Variants in PDE11A observed in about 807,000 individuals in gnomAD.
PDE11A encodes the protein phosphodiesterase 11A, also known as dual 3',5'-cyclic-AMP and -GMP phosphodiesterase 11A.
Under a neutral mutation model 100.5 loss-of-function variants are expected in PDE11A, and 100 were observed. That is an observed-to-expected ratio of 1.00 (90% CI 0.85 to 1.18). The LOEUF (loss-of-function observed/expected upper bound fraction) is 1.18. Ranked by LOEUF, PDE11A falls within the 50% of genes most tolerant of loss-of-function variation. The pLI, the probability that PDE11A is intolerant of heterozygous loss-of-function variation, is 0.00. For missense variants in PDE11A, 1,141 were observed against 1,152.6 expected (o/e 0.99, Z 0.15); for synonymous variants, 381 against 420.8 (o/e 0.91, Z 1.16).
At chr2:178,040,932 C>T (rs1221943313) in intron 1 of PDE11A, among the ~76,000 whole-genome samples, 5 of 151,968 alleles carry the variant, frequency 3.3e-5, no homozygotes, top group African/African-American at 1.2e-4. Flanking sequence ...TTTTTATCTA[C>T]TTATTTATTT....
intron 9 of PDE11A, among the ~76,000 whole-genome samples, chr2:177,794,979 G>A (rs1227714399): frequency 1.3e-5 from 2 of 151,996 alleles, no homozygotes; most frequent in East Asian, 3.9e-4. Flanking sequence ...TAGAGATGAG[G>A]TTTCACTATG....
Position 177,713,987 on chromosome 2 carries a change from C to CTTTTTTT in PDE11A, c.2044-2116_2044-2110dup, listed in dbSNP as rs57211363. On this transcript the variant is annotated intron_variant, in intron 12 of 19. Transcript: ENST00000286063. ...TCCCACCATATTTCTTTTCTTTTTT[C>CTTTTTTT]TTTTTTTTTTTTTTTTTTTTTTTTG... Among the ~76,000 whole-genome samples, 263 of 77,406 alleles carry CTTTTTTT rather than the reference C, an allele frequency of 3.4e-3. 10 individuals carry two copies. The highest frequency in any genetic ancestry group is 5.7e-3 in the African/African-American group (107 of 18,842). 50.8% of individuals were successfully genotyped at this position (77,406 alleles called of 152,430 possible).
At chr2:178,065,766 A>G (rs1188464300) in intron 1 of PDE11A, among the ~76,000 whole-genome samples, 1 of 152,156 alleles carries the variant, frequency 6.6e-6, no homozygotes. Context: ...ACTCAATAAC[A>G]TGAGTGTAGA....
At chr2:177,661,905 G>A (rs1377214114) in intron 19 of PDE11A, among the ~76,000 whole-genome samples, 1 of 152,142 alleles carries the variant, frequency 6.6e-6, no homozygotes, top group Non-Finnish European at 1.5e-5. Context: ...CCAAAACAAA[G>A]GTCAGGGGTG....
intron 14 of PDE11A, among the ~76,000 whole-genome samples, chr2:177,700,598 T>C (rs1172763348): frequency 6.6e-6 from 1 of 152,174 alleles, no homozygotes; most frequent in African/African-American, 2.4e-5. Context: ...TGGCATTAGC[T>C]CTGGGTCTTA....
intron 12 of PDE11A, among the ~76,000 whole-genome samples, chr2:177,719,301 C>G (rs975503972): frequency 1.3e-5 from 2 of 152,120 alleles, no homozygotes; most frequent in Non-Finnish European, 2.9e-5. Context: ...AGATGGCAAA[C>G]TAAGACAGAG....
intron 2 of PDE11A, among the ~76,000 whole-genome samples, chr2:177,989,330 C>G (rs1321991122): frequency 6.6e-6 from 1 of 152,144 alleles, no homozygotes; most frequent in Non-Finnish European, 1.5e-5. Flanking sequence ...AGTCATAGCA[C>G]AGTATGAACA....
At chr2:177,668,896 C>T (rs534869161) in intron 18 of PDE11A, among the ~76,000 whole-genome samples, 1 of 152,302 alleles carries the variant, frequency 6.6e-6, no homozygotes, top group East Asian at 1.9e-4. Flanking sequence ...GAGGTGGTGA[C>T]TGACGCAGTT....
rs368647635 is a variant in PDE11A at position 177,659,374 on chromosome 2, TAG to T, written c.2646+4490_2646+4491del. Among the ~76,000 whole-genome samples, 88 of 151,844 alleles carry T rather than the reference TAG, an allele frequency of 5.8e-4. 2 individuals are homozygous for T. In the South Asian group the frequency reaches 0.018, roughly 32 times the overall value. ...CTTCAGAAACCTCATGACATTTTAA[TAG>T]AGAGGCACTACCCTTACCAAAATTT... On this transcript the variant is annotated intron_variant, in intron 19 of 19. Transcript: ENST00000286063.
At chr2:177,775,667 T>C (rs74838771) in intron 9 of PDE11A, among the ~76,000 whole-genome samples, 1 of 152,176 alleles carries the variant, frequency 6.6e-6, no homozygotes, top group Non-Finnish European at 1.5e-5. Flanking sequence ...TTTTGTTCAT[T>C]TATACACCAA....
chr2:177,888,998 A>G (rs1471602958), intron 4 of PDE11A, among the ~76,000 whole-genome samples: 2 of 152,178 alleles, frequency 1.3e-5, no homozygotes, highest in South Asian at 2.1e-4. Context: ...TCAATACTCA[A>G]TACCCATCTT....
chr2:178,034,061 G>A (rs1343293978), intron 1 of PDE11A, among the ~76,000 whole-genome samples: 8 of 152,140 alleles, frequency 5.3e-5, no homozygotes, highest in African/African-American at 1.9e-4. Context: ...AACCTTAAAT[G>A]TAAATAGGCT....
chr2:177,914,354 C>T (rs547931540), intron 2 of PDE11A, among the ~76,000 whole-genome samples: 55 of 152,148 alleles, frequency 3.6e-4, no homozygotes, highest in Admixed American at 2.7e-3. Flanking sequence ...AAGCTATGAG[C>T]GCTTTGTCTA....
chr2:177,847,431 T>C (rs922029314), intron 5 of PDE11A, among the ~76,000 whole-genome samples: 1 of 152,194 alleles, frequency 6.6e-6, no homozygotes, highest in African/African-American at 2.4e-5. Flanking sequence ...ATTTTCAGTT[T>C]GGGCCAGAAC....
Position 177,820,269 on chromosome 2 carries a change from T to C in PDE11A, c.1527A>G (p.Ile509Met). The change falls in exon 7 of 20, where the codon ATA becomes ATG. Residue 509 changes from isoleucine (I) to methionine (M), a missense_variant. Ile to Met is a conservative substitution (Grantham distance 10). Coordinates refer to ENST00000286063, the MANE Select transcript of PDE11A (RefSeq NM_016953.4). ...AEADQISGFH[I>M]RSVLCVPIWN... ...AAATAGGGACACAAAGAACAGATCT[T>C]ATGTGAAAACCAGATATCTGGTCTG... 4 of 1,591,578 alleles carry C rather than the reference T, an allele frequency of 2.5e-6. No individual in the cohort carries two copies. Among genetic ancestry groups the C allele is most frequent in the Non-Finnish European group, 3.4e-6 (4 of 1,159,940 alleles).
chr2:177,742,127 C>G (rs565850132), intron 10 of PDE11A, among the ~76,000 whole-genome samples: 12 of 152,116 alleles, frequency 7.9e-5, no homozygotes, highest in Non-Finnish European at 1.8e-4. Flanking sequence ...GAAGGAGACC[C>G]TCTTGTGAAG....
intron 2 of PDE11A, among the ~76,000 whole-genome samples, chr2:178,102,531 C>T (rs1186768341): frequency 6.6e-6 from 1 of 150,418 alleles, no homozygotes; most frequent in South Asian, 2.1e-4. Context: ...GCCTTGGCTT[C>T]CCAAAGTACA....
intron 19 of PDE11A, among the ~76,000 whole-genome samples, chr2:177,658,511 CCT>C (rs893838437): frequency 1.3e-5 from 2 of 151,224 alleles, no homozygotes; most frequent in Non-Finnish European, 3.0e-5. Flanking sequence ...TTTTTCCCTC[CCT>C]CTCTCTCTCC....
chr2:177,639,959 C>T (rs894726149), intron 19 of PDE11A, among the ~76,000 whole-genome samples: 1 of 152,072 alleles, frequency 6.6e-6, no homozygotes, highest in Non-Finnish European at 1.5e-5. Context: ...TTTTTTAAAA[C>T]TTTGAGGAAA....
Sources: allele counts gnomAD v4.1 joint callset (sites outside exome capture counted in the v4.1 genomes callset), GRCh38; gene constraint gnomAD v4.1.1; transcripts MANE v1.5; gene names NCBI Gene and HGNC (gene_info 2026-07-23, HGNC 2026-07-21).